The following MTSS1 variants were observed in gnomAD, a reference collection of about 807,000 sequenced individuals.
MTSS1 encodes the protein MTSS I-BAR domain containing 1.
A neutral mutation model predicts 79.0 loss-of-function variants in MTSS1; 18 were observed. The ratio of observed to expected loss-of-function variants is 0.23; its 90% confidence interval spans 0.16 to 0.34. The LOEUF is 0.34. Among genes scored for constraint, MTSS1 ranks in the 10% least tolerant of loss-of-function variants. The pLI, the probability that MTSS1 is intolerant of heterozygous loss-of-function variation, is 1.00. For missense variants in MTSS1, 815 were observed against 986.2 expected, an observed-to-expected ratio of 0.83 and a Z score of 2.33; for synonymous variants, 341 against 368.6, an observed-to-expected ratio of 0.93 and a Z score of 0.86.
At chr8:124,692,507 T>C (rs1466358660) in intron 3 of MTSS1, among the ~76,000 whole-genome samples, 1 of 152,050 alleles carries the variant, frequency 6.6e-6, no homozygotes, top group African/African-American at 2.4e-5. Flanking sequence ...CTGGTTAAAA[T>C]AAAACTCAGG....
chr8:124,622,485 G>GA (rs74650146), intron 3 of MTSS1, among the ~76,000 whole-genome samples: 1,079 of 99,400 alleles, frequency 0.011, 7 homozygotes, highest in African/African-American at 0.025. Flanking sequence ...TTGCCATATT[G>GA]AAAAAAAAAA....
At position 124,553,045 on chromosome 8, in the gene MTSS1, C is replaced by T. The variant is rs777090393; in HGVS notation, c.2215G>A (p.Val739Met). 1.9e-6 allele frequency: 3 copies of T among 1,614,140 alleles called. No homozygotes were observed. The highest frequency in any genetic ancestry group is 2.2e-5 in the East Asian group (1 of 44,884). The part of the protein sequence containing the change: ...EDMLNAIRRG[V>M]KLKKTTTNDR... ...TTTGTCGTGGTCTTCTTCAGTTTCACGCCCCTTCGGATGGCGTTCAGCATG... is the reference window on the plus strand; with the variant it reads ...TTTGTCGTGGTCTTCTTCAGTTTCATGCCCCTTCGGATGGCGTTCAGCATG... Residue 739 changes from valine to methionine, a missense_variant, in exon 14 of 14, where the codon GTG becomes ATG. Val to Met is a conservative substitution (Grantham distance 21). Coordinates refer to ENST00000518547, the MANE Select transcript of MTSS1 (RefSeq NM_014751.6). This position sits in a 1 kb window ranked among gnomAD's most constrained non-coding sequence, Gnocchi z 6.0.
chr8:124,620,912 A>G (rs1164690332), intron 3 of MTSS1, among the ~76,000 whole-genome samples: 2 of 152,230 alleles, frequency 1.3e-5, no homozygotes, highest in Non-Finnish European at 2.9e-5. Context: ...CAGGGAATAC[A>G]GTTTCTTGCA....
intron 3 of MTSS1, among the ~76,000 whole-genome samples, chr8:124,648,204 A>C (rs1001229428): frequency 6.6e-6 from 1 of 152,224 alleles, no homozygotes; most frequent in Non-Finnish European, 1.5e-5. Flanking sequence ...GAGTTGCTCC[A>C]AAGATTATGA....
intron 3 of MTSS1, among the ~76,000 whole-genome samples, chr8:124,606,665 C>A (rs1027670621): frequency 6.6e-6 from 1 of 151,966 alleles, no homozygotes; most frequent in African/African-American, 2.4e-5. Flanking sequence ...TTTCTTCCCC[C>A]ACCCCCGATC....
intron 3 of MTSS1, among the ~76,000 whole-genome samples, chr8:124,662,453 C>G (rs946556922): frequency 2.6e-5 from 4 of 152,222 alleles, no homozygotes; most frequent in Admixed American, 2.6e-4. Flanking sequence ...GCCTCAGTCT[C>G]TGCCACCAGG....
At chr8:124,592,252 C>T (rs1307638478) in intron 3 of MTSS1, among the ~76,000 whole-genome samples, 1 of 152,216 alleles carries the variant, frequency 6.6e-6, no homozygotes, top group Non-Finnish European at 1.5e-5. Context: ...TCTTCCTTCT[C>T]CCTCTTAAAA....
intron 4 of MTSS1, among the ~76,000 whole-genome samples, chr8:124,590,015 C>A (rs1014370204): frequency 2.7e-4 from 41 of 152,292 alleles, no homozygotes; most frequent in African/African-American, 9.6e-4. Context: ...CATCACCATG[C>A]CCAACTAATT....
In MTSS1 at chr8:124,589,475, G is replaced by A. The variant is rs192560620; in HGVS notation, c.385+145C>T. 7.0e-4 allele frequency: 404 copies of A among 580,906 alleles called. 7 individuals are homozygous for A. The highest frequency in any genetic ancestry group is 5.8e-3 in the South Asian group (205 of 35,228). The allele number at this position is 580,906 out of a possible 1,614,324, so 36.0% of individuals were successfully genotyped here. ...GTTCTCCTCATCCCCTGACACGGAC[G>A]TGCCTACAGGAGAGTAGGGACAGAG... On this transcript the variant is annotated intron_variant, in intron 5 of 13. Coordinates refer to ENST00000518547, the MANE Select transcript of MTSS1 (RefSeq NM_014751.6).
At chr8:124,719,754 CT>C (rs1832636765) in intron 1 of MTSS1, among the ~76,000 whole-genome samples, 2 of 152,222 alleles carry the variant, frequency 1.3e-5, no homozygotes, top group South Asian at 4.1e-4. Flanking sequence ...CTGAGTGCCA[CT>C]ATCAGCAGGA....
intron 3 of MTSS1, among the ~76,000 whole-genome samples, chr8:124,645,218 CAAAAACGA>C (rs1275478194): frequency 2.6e-5 from 4 of 151,942 alleles, no homozygotes; most frequent in East Asian, 3.9e-4. Flanking sequence ...AAAACAAAAA[CAAAAACGA>C]AAAAACGAAA....
intron 3 of MTSS1, among the ~76,000 whole-genome samples, chr8:124,655,230 A>T (rs1820728406): frequency 1.3e-5 from 2 of 152,266 alleles, no homozygotes; most frequent in Non-Finnish European, 2.9e-5. Flanking sequence ...CCTGGTGCAC[A>T]CACCAAGTCT....
rs1283901267 is a variant in MTSS1 at position 124,727,864 on chromosome 8, C to A, written c.72+20G>T. 1.9e-6 allele frequency: 3 copies of A among 1,572,720 alleles called. No individual in the cohort carries two copies. In the Admixed American group the frequency reaches 5.6e-5, roughly 30 times the overall value. ...CAGAGCGCGGCGGCCGGCGCCGCAGCCGCACCCCCGGCGTCCTACCTTCAT... is the reference window on the plus strand; with the variant it reads ...CAGAGCGCGGCGGCCGGCGCCGCAGACGCACCCCCGGCGTCCTACCTTCAT... On this transcript the variant is annotated intron_variant, in intron 1 of 13. Transcript: ENST00000518547. The surrounding 1 kb of genome is among the most constrained non-coding windows in gnomAD (Gnocchi z 4.7).
At chr8:124,676,104 A>G (rs1381562324) in intron 3 of MTSS1, among the ~76,000 whole-genome samples, 1 of 152,208 alleles carries the variant, frequency 6.6e-6, no homozygotes, top group African/African-American at 2.4e-5. Flanking sequence ...AATAAGAAAA[A>G]CAATGAAGAA....
intron 3 of MTSS1, among the ~76,000 whole-genome samples, chr8:124,656,781 CAAAAAAAA>C (rs59332225): frequency 1.9e-4 from 10 of 51,666 alleles, no homozygotes; most frequent in Non-Finnish European, 3.6e-4. Flanking sequence ...GACTCCATCT[CAAAAAAAA>C]AAAAAAAAAA....
intron 3 of MTSS1, among the ~76,000 whole-genome samples, chr8:124,619,967 T>TTTTCTTTTCTTTTC (rs1813171304): frequency 1.6e-5 from 2 of 125,972 alleles, no homozygotes; most frequent in African/African-American, 8.1e-5. Context: ...CTTTTCTTTT[T>TTTTCTTTTCTTTTC]GAAGACAGAG....
intron 3 of MTSS1, among the ~76,000 whole-genome samples, chr8:124,660,997 T>C (rs1821928242): frequency 6.6e-6 from 1 of 152,224 alleles, no homozygotes. Flanking sequence ...AGTCACCTCT[T>C]GGCCCTGAGG....
At chr8:124,694,890 A>C (rs1055625065) in intron 3 of MTSS1, among the ~76,000 whole-genome samples, 1 of 152,206 alleles carries the variant, frequency 6.6e-6, no homozygotes, top group Non-Finnish European at 1.5e-5. Context: ...CAAATTGTAT[A>C]TTCATCCAGA....
chr8:124,604,933 T>A (rs189127408), intron 3 of MTSS1, among the ~76,000 whole-genome samples: 1 of 152,338 alleles, frequency 6.6e-6, no homozygotes, highest in Non-Finnish European at 1.5e-5. Context: ...TGCACCGTAC[T>A]GGCAGCCACA....
Sources: gnomAD v4.1 joint callset for allele counts (sites outside exome capture counted in the v4.1 genomes callset) on GRCh38, gnomAD v4.1.1 for gene constraint, Gnocchi (gnomAD v3.1) non-coding constraint, MANE v1.5 for transcripts, NCBI Gene and HGNC (gene_info 2026-07-23, HGNC 2026-07-21) for gene names.